Variants in E2F5 observed in about 807,000 individuals in gnomAD.
The protein encoded by E2F5 is E2F transcription factor 5, also known as transcription factor E2F5.
In E2F5, 23 loss-of-function variants were observed where a neutral mutation model predicts 39.1. The observed-to-expected ratio is 0.59, with a 90% CI of 0.42 to 0.83. The LOEUF (loss-of-function observed/expected upper bound fraction) is 0.83, where lower values mean the gene tolerates loss of function less well. E2F5 is among the 40% of genes least tolerant of loss of function. E2F5 has a pLI of 0.00. For missense variants in E2F5, 365 were observed against 406.7 expected, an observed-to-expected ratio of 0.90 and a Z score of 0.88; for synonymous variants, 145 against 157.8, an observed-to-expected ratio of 0.92 and a Z score of 0.61.
At chr8:85,204,596 G>A (rs1320545683) in intron 3 of E2F5, among the ~76,000 whole-genome samples, 2 of 151,728 alleles carry the variant, frequency 1.3e-5, no homozygotes, top group Non-Finnish European at 2.9e-5. Context: ...AATGCTAAAT[G>A]ACGAGTTATT....
chr8:85,203,104 G>C lies in E2F5; in HGVS notation c.355G>C (p.Ala119Pro). 6.5e-7 allele frequency: 1 copy of C among 1,544,834 alleles called. No homozygotes were observed. Among genetic ancestry groups the C allele is most frequent in the Non-Finnish European group, 8.7e-7 (1 of 1,144,908 alleles). ...TCATATGTTTTTAAGAGGTGTAGGT[G>C]CTGGCTGTAATACTAAAGAAGTCAT... is the stretch of plus-strand genomic sequence containing the variant. ...KNSIQWKGVG[A>P]GCNTKEVIDR... Residue 119 changes from alanine to proline, a missense_variant, in exon 3 of 8, where the codon GCT becomes CCT. Coordinates refer to ENST00000416274, the MANE Select transcript of E2F5 (RefSeq NM_001951.4).
chr8:85,177,774 C>T, intron 1 of E2F5, 120 bp downstream of exon 1: 1 of 1,144,082 alleles, frequency 8.7e-7, no homozygotes, highest in Non-Finnish European at 1.1e-6. Context: ...GGACCCGGGA[C>T]CGGGCAATCC....
intron 3 of E2F5, among the ~76,000 whole-genome samples, chr8:85,204,687 TATA>T (rs1324563010): frequency 1.3e-5 from 2 of 150,930 alleles, no homozygotes; most frequent in Non-Finnish European, 3.0e-5. Flanking sequence ...AAACTTAAAG[TATA>T]ATAATAATAA....
At chr8:85,180,651 C>T (rs1401943522) in intron 1 of E2F5, among the ~76,000 whole-genome samples, 2 of 140,958 alleles carry the variant, frequency 1.4e-5, no homozygotes, top group East Asian at 2.2e-4. Flanking sequence ...AATCTCGGCT[C>T]ACTGCAAGCT....
chr8:85,192,614 C>T (rs887274124), intron 1 of E2F5, among the ~76,000 whole-genome samples: 3 of 152,116 alleles, frequency 2.0e-5, no homozygotes, highest in African/African-American at 7.2e-5. Flanking sequence ...TAATAGTGTC[C>T]ACTGGTTTTA....
chr8:85,180,970 C>A (rs1812200812), intron 1 of E2F5, among the ~76,000 whole-genome samples: 1 of 151,788 alleles, frequency 6.6e-6, no homozygotes, highest in African/African-American at 2.4e-5. Context: ...CTCCACTTCC[C>A]GGGCTCAAGT....
intron 7 of E2F5, chr8:85,212,437 T>TA: frequency 2.2e-6 from 1 of 452,500 alleles, no homozygotes; most frequent in Non-Finnish European, 4.0e-6. Flanking sequence ...CTCACCTTCA[T>TA]TGAAAATAAA....
chr8:85,185,543 C>G (rs776433564), intron 1 of E2F5, among the ~76,000 whole-genome samples: 1 of 152,134 alleles, frequency 6.6e-6, no homozygotes, highest in African/African-American at 2.4e-5. Flanking sequence ...AGCTTCTGCA[C>G]AGCAAAAGAA....
intron 1 of E2F5, among the ~76,000 whole-genome samples, chr8:85,186,689 A>ATATATATGG (rs1299749667): frequency 6.8e-6 from 1 of 147,236 alleles, no homozygotes; most frequent in Non-Finnish European, 1.5e-5. Context: ...TATATATGGT[A>ATATATATGG]TATATATGGT....
chr8:85,212,514 C>A, intron 7 of E2F5: 1 of 245,700 alleles, frequency 4.1e-6, no homozygotes, highest in Non-Finnish European at 7.8e-6. Flanking sequence ...CTAAATCAAG[C>A]AACTGATCTG....
chr8:85,188,383 A>G (rs867597418), intron 1 of E2F5, among the ~76,000 whole-genome samples: 1 of 136,614 alleles, frequency 7.3e-6, no homozygotes, highest in African/African-American at 2.8e-5. Context: ...CACTTCTGGT[A>G]GTCATGAACT....
At chr8:85,181,575 G>A (rs1374871458) in intron 1 of E2F5, among the ~76,000 whole-genome samples, 1 of 145,386 alleles carries the variant, frequency 6.9e-6, no homozygotes, top group African/African-American at 2.5e-5. Flanking sequence ...TTCTGACCTC[G>A]TGATCCTCCC....
chr8:85,185,365 A>G (rs1399183853), intron 1 of E2F5, among the ~76,000 whole-genome samples: 1 of 152,240 alleles, frequency 6.6e-6, no homozygotes, highest in African/African-American at 2.4e-5. Context: ...AATCAACTCA[A>G]GATGGATGAA....
At chr8:85,185,074 A>AAC (rs1467487136) in intron 1 of E2F5, among the ~76,000 whole-genome samples, 1 of 152,232 alleles carries the variant, frequency 6.6e-6, no homozygotes, top group African/African-American at 2.4e-5. Flanking sequence ...AAGCAAAAAT[A>AAC]ACAAAGCTGG....
At chr8:85,196,785 C>T (rs995598857) in intron 1 of E2F5, among the ~76,000 whole-genome samples, 1 of 152,164 alleles carries the variant, frequency 6.6e-6, no homozygotes, top group Non-Finnish European at 1.5e-5. Flanking sequence ...TTCTATTACA[C>T]AATTATCCTG....
In E2F5 at chr8:85,177,275, C is replaced by A; in HGVS notation, c.-146C>A. On this transcript the variant is annotated 5_prime_UTR_variant, in exon 1 of 8. In the 5' UTR this introduces an upstream ATG that the reference lacks. Coordinates refer to ENST00000416274, the MANE Select transcript of E2F5 (RefSeq NM_001951.4). ...CCAGACTCCCGTGGGCGCCGCACAC[C>A]TGTTGTTTGCAGCAGCCAGCGACCC... 1 of 643,984 alleles carries A rather than the reference C, an allele frequency of 1.6e-6. No individual in the cohort carries two copies. The highest frequency in any genetic ancestry group is 6.8e-5 in the South Asian group (1 of 14,750). The allele number at this position is 643,984 out of a possible 1,614,324, so 39.9% of individuals were successfully genotyped here. A position where few individuals can be genotyped will look rare whatever the true frequency, so the allele number is the denominator to read the frequency against.
chr8:85,200,004 T>A (rs930906879), intron 1 of E2F5, among the ~76,000 whole-genome samples: 5 of 152,182 alleles, frequency 3.3e-5, no homozygotes, highest in Admixed American at 3.3e-4. Context: ...CTCAGCACTT[T>A]GGGAGGTCGA....
intron 1 of E2F5, among the ~76,000 whole-genome samples, chr8:85,186,755 A>G (rs924153837): frequency 2.0e-5 from 3 of 147,722 alleles, no homozygotes; most frequent in African/African-American, 7.4e-5. Context: ...TATATGGTAT[A>G]TATAAGGTGT....
At chr8:85,179,600 T>C (rs1338374741) in intron 1 of E2F5, among the ~76,000 whole-genome samples, 2 of 152,072 alleles carry the variant, frequency 1.3e-5, no homozygotes, top group Non-Finnish European at 2.9e-5. Flanking sequence ...GAAAAACATA[T>C]GTTTTATGTA....
Sources: gnomAD v4.1 joint callset for allele counts (sites outside exome capture counted in the v4.1 genomes callset) on GRCh38, gnomAD v4.1.1 for gene constraint, MANE v1.5 for transcripts, NCBI Gene and HGNC (gene_info 2026-07-23, HGNC 2026-07-21) for gene names.